Variants in NEK1 observed in about 807,000 individuals in gnomAD.
The protein encoded by NEK1 is NIMA related kinase 1, also known as serine/threonine-protein kinase Nek1.
NEK1 carries 137 observed loss-of-function variants against 182.1 expected under a neutral mutation model. That is an observed-to-expected ratio of 0.75 (90% CI 0.65 to 0.87). The LOEUF (loss-of-function observed/expected upper bound fraction) is 0.87, where lower values mean the gene tolerates loss of function less well. Ranked by LOEUF, NEK1 falls within the 40% of genes least tolerant of loss-of-function variation. The probability of loss-of-function intolerance (pLI) is 0.00; values close to 1 mark genes in which losing one functional copy is unlikely to be tolerated. For synonymous variants in NEK1, 513 were observed against 492.2 expected (o/e 1.04, Z -0.56); for missense variants, 1,391 against 1,494.4 (o/e 0.93, Z 1.14).
chr4:169,395,469 G>T (rs1730527024), intron 35 of NEK1, among the ~76,000 whole-genome samples: 1 of 152,068 alleles, frequency 6.6e-6, no homozygotes, highest in South Asian at 2.1e-4. Flanking sequence ...GTACTTATTT[G>T]CATTAAATTC....
In NEK1 at chr4:169,426,095, T is replaced by C. The variant is rs376056830; in HGVS notation, c.2974+51A>G. On this transcript the variant is annotated intron_variant, in intron 30 of 35. Transcript: ENST00000507142. ...CCCAAATAAAACAGGTTGATGTTAA[T>C]AATCATTAACATCTTCCAGAAAGTA... The C allele has an allele frequency of 1.6e-4, 221 of 1,345,222 alleles. 1 individual carries two copies. In the African/African-American group the frequency reaches 2.9e-3, roughly 18 times the overall value. The allele number at this position is 1,345,222 out of a possible 1,614,324, so 83.3% of individuals were successfully genotyped here.
intron 19 of NEK1, among the ~76,000 whole-genome samples, chr4:169,518,463 GATTC>G (rs1342156454): frequency 7.7e-6 from 1 of 130,556 alleles, no homozygotes; most frequent in Non-Finnish European, 1.6e-5. Flanking sequence ...CCAGCTCCTG[GATTC>G]ATTGATTTTT....
chr4:169,549,375 G>A (rs1277045647), intron 18 of NEK1, among the ~76,000 whole-genome samples: 1 of 152,168 alleles, frequency 6.6e-6, no homozygotes, highest in Non-Finnish European at 1.5e-5. Context: ...ATCTTGTTGG[G>A]AGCTACAGAC....
At chr4:169,420,014 T>C (rs1197000491) in intron 31 of NEK1, among the ~76,000 whole-genome samples, 1 of 152,222 alleles carries the variant, frequency 6.6e-6, no homozygotes, top group Non-Finnish European at 1.5e-5. Context: ...TAGCGTACAC[T>C]ACTGTGGACT....
chr4:169,434,106 T>C (rs1737934659), intron 28 of NEK1, among the ~76,000 whole-genome samples: 1 of 151,046 alleles, frequency 6.6e-6, no homozygotes, highest in African/African-American at 2.4e-5. Flanking sequence ...TATCTTTTAA[T>C]AGTCAAAAAA....
chr4:169,576,268 G>A (rs1765676985), intron 12 of NEK1, among the ~76,000 whole-genome samples: 1 of 152,034 alleles, frequency 6.6e-6, no homozygotes, highest in African/African-American at 2.4e-5. Context: ...CCTGACCTAT[G>A]ATAGATTTTA....
In NEK1 at chr4:169,494,097, TTTC is replaced by T. The variant is rs971650782; in HGVS notation, c.2007+12937_2007+12939del. ...TCCCATCAGACTCACAACGGATTTC[TTTC>T]TTTTTTTTTTTTTTATACTTTAAGT... is the stretch of plus-strand genomic sequence containing the variant. On this transcript the variant is annotated intron_variant, in intron 23 of 35. Transcript: ENST00000507142. Among the ~76,000 whole-genome samples the T allele has an allele frequency of 5.4e-5, 8 of 147,922 alleles. No individual in the cohort carries two copies. In the East Asian group the frequency reaches 1.0e-3, roughly 19 times the overall value.
intron 23 of NEK1, among the ~76,000 whole-genome samples, chr4:169,481,049 G>A (rs763777720): frequency 3.2e-4 from 49 of 152,218 alleles, no homozygotes; most frequent in Non-Finnish European, 4.9e-4. Flanking sequence ...CTTCACCTTC[G>A]TAGACTCCAC....
At chr4:169,445,269 A>G (rs1194951305) in intron 27 of NEK1, among the ~76,000 whole-genome samples, 1 of 152,072 alleles carries the variant, frequency 6.6e-6, no homozygotes, top group African/African-American at 2.4e-5. Flanking sequence ...AACAAAAACA[A>G]AAACAAAAAA....
At chr4:169,448,058 T>A (rs1455878917) in intron 27 of NEK1, among the ~76,000 whole-genome samples, 3 of 150,122 alleles carry the variant, frequency 2.0e-5, no homozygotes, top group African/African-American at 4.9e-5. Flanking sequence ...AAAAAAAAAA[T>A]ACAAAAAAAT....
At chr4:169,434,036 G>T (rs1020456490) in intron 28 of NEK1, among the ~76,000 whole-genome samples, 2 of 151,990 alleles carry the variant, frequency 1.3e-5, no homozygotes, top group Non-Finnish European at 2.9e-5. Flanking sequence ...TAGAAATATG[G>T]AAGAATAGAC....
At position 169,561,857 on chromosome 4, in the gene NEK1, T is replaced by C; in HGVS notation, c.1115A>G (p.Glu372Gly). ...AARKRRLEFI[E>G]KEKKQKDQII... Reference sequence around the variant, plus strand: ...CTGATCCTTTTGTTTCTTTTCTTTTTCAATAAATTCCAGCCTTCTCTTTCT... The same window carrying C: ...CTGATCCTTTTGTTTCTTTTCTTTTCCAATAAATTCCAGCCTTCTCTTTCT... Residue 372 changes from glutamate to glycine, a missense_variant, in exon 14 of 36, where the codon GAA (glutamate) becomes GGA (glycine). Physicochemically the swap from Glu to Gly is moderately conservative, Grantham distance 98 (BLOSUM62 -2). Coordinates refer to ENST00000507142, the MANE Select transcript of NEK1 (RefSeq NM_001199397.3). The C allele has an allele frequency of 6.2e-7, 1 of 1,610,240 alleles. No individual in the cohort carries two copies. Among genetic ancestry groups the C allele is most frequent in the African/African-American group, 1.3e-5 (1 of 74,862 alleles).
intron 27 of NEK1, among the ~76,000 whole-genome samples, chr4:169,459,020 G>C (rs981572972): frequency 1.3e-5 from 2 of 151,420 alleles, no homozygotes; most frequent in Admixed American, 6.6e-5. Flanking sequence ...TACTCAACTG[G>C]TATAATGCAA....
At chr4:169,542,631 A>G (rs754401650) in intron 18 of NEK1, among the ~76,000 whole-genome samples, 1 of 152,130 alleles carries the variant, frequency 6.6e-6, no homozygotes, top group Non-Finnish European at 1.5e-5. Flanking sequence ...GTGTAAAAGC[A>G]TTCCTATTTC....
At chr4:169,456,243 C>T (rs761923240) in intron 27 of NEK1, among the ~76,000 whole-genome samples, 5 of 151,968 alleles carry the variant, frequency 3.3e-5, no homozygotes, top group Admixed American at 6.6e-5. Context: ...TTATAGCTAT[C>T]GGTCCCTACA....
chr4:169,538,673 A>G (rs1758886543), intron 18 of NEK1, among the ~76,000 whole-genome samples: 1 of 152,134 alleles, frequency 6.6e-6, no homozygotes, highest in South Asian at 2.1e-4. Context: ...CATGGCATCA[A>G]TTGTAGTTAA....
chr4:169,471,709 T>C (rs1051294756), intron 26 of NEK1, among the ~76,000 whole-genome samples: 7 of 152,142 alleles, frequency 4.6e-5, no homozygotes, highest in African/African-American at 1.7e-4. Flanking sequence ...TTTAAGTCTG[T>C]TGAAGCTGTG....
chr4:169,493,850 G>C (rs1189186459), intron 23 of NEK1, among the ~76,000 whole-genome samples: 2 of 152,124 alleles, frequency 1.3e-5, no homozygotes, highest in Non-Finnish European at 2.9e-5. Context: ...AGAAAGTAAG[G>C]AAACTGGAAA....
intron 23 of NEK1, among the ~76,000 whole-genome samples, chr4:169,501,167 A>G (rs761087579): frequency 1.3e-5 from 2 of 152,256 alleles, no homozygotes; most frequent in African/African-American, 4.8e-5. Context: ...AAAGTACTAC[A>G]TAATGATAAA....
Sources: allele counts gnomAD v4.1 joint callset (sites outside exome capture counted in the v4.1 genomes callset), GRCh38; gene constraint gnomAD v4.1.1; transcripts MANE v1.5; gene names NCBI Gene and HGNC (gene_info 2026-07-23, HGNC 2026-07-21).